RAD51D: variants seen among roughly 807,000 people sequenced by gnomAD.
RAD51D encodes the protein RAD51 paralog D.
Under a neutral mutation model 44.1 loss-of-function variants are expected in RAD51D, and 38 were observed. The ratio of observed to expected loss-of-function variants is 0.86; its 90% CI spans 0.67 to 1.13. The LOEUF (loss-of-function observed/expected upper bound fraction) is 1.13, where lower values mean the gene tolerates loss of function less well. RAD51D is among the 50% of genes most tolerant of loss of function. The pLI, the probability that RAD51D is intolerant of heterozygous loss-of-function variation, is 0.00. For synonymous variants in RAD51D, 141 were observed against 166.6 expected, an observed-to-expected ratio of 0.85 and a Z score of 1.18; for missense variants, 390 against 414.0, an observed-to-expected ratio of 0.94 and a Z score of 0.50.
intron 3 of RAD51D, chr17:35,116,856 T>A (rs1196361054): frequency 6.6e-7 from 1 of 1,516,102 alleles, no homozygotes. Flanking sequence ...TGAAATAATG[T>A]ACCGTGAAGT....
intron 3 of RAD51D, among the ~76,000 whole-genome samples, chr17:35,115,945 A>AGGAAGGAAGG: frequency 9.4e-6 from 1 of 106,398 alleles, no homozygotes; most frequent in Admixed American, 1.1e-4. Context: ...GGAAGAAAGA[A>AGGAAGGAAGG]AAGGAAGAAA....
At chr17:35,118,668 G>A (rs2142475391) in intron 2 of RAD51D, 49 bp from the exon 3 acceptor site, 1 of 1,390,482 alleles carries the variant, frequency 7.2e-7, no homozygotes, top group Non-Finnish European at 1.0e-6. Flanking sequence ...CGTAGAAGCT[G>A]GCATCCCAGG....
chr17:35,101,536 G>A (rs2091538713), intron 8 of RAD51D, among the ~76,000 whole-genome samples, 171 bp from the exon 9 acceptor site: 1 of 152,128 alleles, frequency 6.6e-6, no homozygotes, highest in African/African-American at 2.4e-5. Context: ...CCTGACTTGT[G>A]CCCCGCTCTT....
chr17:35,115,903 G>A (rs765352306), intron 3 of RAD51D, among the ~76,000 whole-genome samples: 1 of 74,444 alleles, frequency 1.3e-5, no homozygotes, highest in Admixed American at 1.9e-4. Context: ...AGGAAAGGAA[G>A]GAAGGAAGGA....
At chr17:35,117,135 G>C (rs1441430371) in intron 3 of RAD51D, 2 of 1,323,908 alleles carry the variant, frequency 1.5e-6, no homozygotes, top group Admixed American at 2.2e-5. Flanking sequence ...CAGCTCTCTT[G>C]TATTCACTTG....
intron 3 of RAD51D, among the ~76,000 whole-genome samples, chr17:35,116,605 C>T (rs946593304): frequency 6.6e-6 from 1 of 152,138 alleles, no homozygotes; most frequent in African/African-American, 2.4e-5. Context: ...TGCTATTCTC[C>T]TGCCTCAGCC....
intron 3 of RAD51D, among the ~76,000 whole-genome samples, chr17:35,108,310 C>G (rs1386835903): frequency 6.6e-6 from 1 of 151,512 alleles, no homozygotes; most frequent in African/African-American, 2.4e-5. Context: ...TATAGATTCC[C>G]AGGAAGTTGC....
intron 5 of RAD51D, among the ~76,000 whole-genome samples, chr17:35,106,748 G>C (rs1398307418): frequency 6.6e-6 from 1 of 152,162 alleles, no homozygotes; most frequent in Non-Finnish European, 1.5e-5. Context: ...CTTGGTGTTT[G>C]CCAGCCCTGG....
Position 35,103,665 on chromosome 17 carries a change from C to G in RAD51D, c.577-121G>C, listed in dbSNP as rs1055296931. The G allele has an allele frequency of 6.8e-6, 5 of 738,632 alleles. No individual in the cohort carries two copies. Among genetic ancestry groups the G allele is most frequent in the Admixed American group, 4.0e-5 (2 of 49,948 alleles). 45.8% of individuals were successfully genotyped at this position (738,632 alleles called of 1,614,324 possible). A position where few individuals can be genotyped will look rare whatever the true frequency, so the allele number is the denominator to read the frequency against. ...GCCCCCCCATCCCAAATACAGCAAG[C>G]TGCACGGGCATCACAGAATGTCATC... is the stretch of plus-strand genomic sequence containing the variant. On this transcript the variant is annotated intron_variant, in intron 6 of 9. Coordinates refer to ENST00000345365, the MANE Select transcript of RAD51D (RefSeq NM_002878.4). This position sits in a 1 kb window ranked among gnomAD's most constrained non-coding sequence, Gnocchi z 4.1.
Position 35,098,041 on chromosome 17 carries a change from A to T in RAD51D, c.*2912T>A, listed in dbSNP as rs1385086703. ...GGCAGGCAAGACAAAGTCCTGGTCT[A>T]GGAGGAGCCAAAGGATGAAGCTGGC... On this transcript the variant is annotated 3_prime_UTR_variant, in exon 10 of 10. Transcript: ENST00000345365. 1 of 152,314 alleles carries T rather than the reference A, an allele frequency of 6.6e-6. No homozygotes were observed. Among genetic ancestry groups the T allele is most frequent in the Non-Finnish European group, 1.5e-5 (1 of 68,208 alleles). 9.4% of individuals were successfully genotyped at this position (152,314 alleles called of 1,614,324 possible).
At position 35,098,882 on chromosome 17, in the gene RAD51D, T is replaced by C. The variant is rs1420924901; in HGVS notation, c.*2071A>G. 6.6e-6 allele frequency: 1 copy of C among 152,104 alleles called. No homozygotes were observed. The highest frequency in any genetic ancestry group is 1.5e-5 in the Non-Finnish European group (1 of 68,090). 9.4% of individuals were successfully genotyped at this position (152,104 alleles called of 1,614,324 possible). Reference sequence around the variant, plus strand: ...TCCTTGAGACAGGGTCTTGCTCTGTTACCCAGGCTGGGGTGTAGTGGTGCG... The same window carrying C: ...TCCTTGAGACAGGGTCTTGCTCTGTCACCCAGGCTGGGGTGTAGTGGTGCG... On this transcript the variant is annotated 3_prime_UTR_variant, in exon 10 of 10. Transcript: ENST00000345365.
rs550346401 is a variant in RAD51D, at chr17:35,119,852, G to A, written c.-239C>T. 307 of 656,946 alleles carry A rather than the reference G, an allele frequency of 4.7e-4. No homozygotes were observed. Among genetic ancestry groups the A allele is most frequent in the Non-Finnish European group, 7.7e-4 (276 of 360,300 alleles). The allele number at this position is 656,946 out of a possible 1,614,324, so 40.7% of individuals were successfully genotyped here. On this transcript the variant is annotated 5_prime_UTR_variant, in exon 1 of 10. Transcript: ENST00000345365. Reference sequence around the variant, plus strand: ...CCCGCCCGCCGGGTCGCGCCGCGCTGCCGCTTCCGGGTTCCAGGCTGGCGC... The same window carrying A: ...CCCGCCCGCCGGGTCGCGCCGCGCTACCGCTTCCGGGTTCCAGGCTGGCGC...
In RAD51D at chr17:35,097,494, T is replaced by C. The variant is rs1239569590; in HGVS notation, c.*3459A>G. ...GTGTATATATATGTATATATATGTGTGTATATGTGTGTGTGTGTGTGTGTA... is the reference window on the plus strand; with the variant it reads ...GTGTATATATATGTATATATATGTGCGTATATGTGTGTGTGTGTGTGTGTA... On this transcript the variant is annotated 3_prime_UTR_variant, in exon 10 of 10. Transcript: ENST00000345365. 3 of 146,104 alleles carry C rather than the reference T, an allele frequency of 2.1e-5. No homozygotes were observed. Among genetic ancestry groups the C allele is most frequent in the Admixed American group, 1.3e-4 (2 of 14,870 alleles). The allele number at this position is 146,104 out of a possible 1,614,324, so 9.1% of individuals were successfully genotyped here.
intron 1 of RAD51D, 151 bp from the exon 2 acceptor site, chr17:35,119,323 C>G (rs1045860483): frequency 1.1e-6 from 1 of 910,774 alleles, no homozygotes; most frequent in Non-Finnish European, 1.8e-6. Context: ...CAGGAGCCGG[C>G]GCGGTGCCCT....
At chr17:35,108,668 C>T (rs920880742) in intron 3 of RAD51D, among the ~76,000 whole-genome samples, 3 of 152,104 alleles carry the variant, frequency 2.0e-5, no homozygotes, top group East Asian at 1.9e-4. Flanking sequence ...TAGATTTACA[C>T]GACTACTATA....
chr17:35,113,315 C>A (rs1234419362), intron 3 of RAD51D, among the ~76,000 whole-genome samples: 1 of 152,178 alleles, frequency 6.6e-6, no homozygotes, highest in Non-Finnish European at 1.5e-5. Context: ...TGTCACCAGG[C>A]TGGAGTGCAG....
Position 35,099,681 on chromosome 17 carries a change from G to A in RAD51D, c.*1272C>T, listed in dbSNP as rs1422165729. On this transcript the variant is annotated 3_prime_UTR_variant, in exon 10 of 10. Coordinates refer to ENST00000345365, the MANE Select transcript of RAD51D (RefSeq NM_002878.4). Reference sequence around the variant, plus strand: ...TGTCATTACTTTCTGAGTGTAACTCGGACCCTCCTTTCCTGCAGCCAAGAC... The same window carrying A: ...TGTCATTACTTTCTGAGTGTAACTCAGACCCTCCTTTCCTGCAGCCAAGAC... The A allele has an allele frequency of 1.8e-5, 7 of 383,064 alleles. No individual in the cohort carries two copies. The highest frequency in any genetic ancestry group is 5.4e-5 in the East Asian group (1 of 18,622). The allele number at this position is 383,064 out of a possible 1,614,324, so 23.7% of individuals were successfully genotyped here.
In RAD51D at chr17:35,099,883, G is replaced by C. The variant is rs2091514237; in HGVS notation, c.*1070C>G. ...CTCTCAGACGGATGGCCACAGTGCT[G>C]GTGAAAGACAGAGGGATTATTTCAT... On this transcript the variant is annotated 3_prime_UTR_variant, in exon 10 of 10. Coordinates refer to ENST00000345365, the MANE Select transcript of RAD51D (RefSeq NM_002878.4). The C allele has an allele frequency of 1.9e-6, 1 of 516,346 alleles. No individual in the cohort carries two copies. Among genetic ancestry groups the C allele is most frequent in the African/African-American group, 1.9e-5 (1 of 52,822 alleles). 32.0% of individuals were successfully genotyped at this position (516,346 alleles called of 1,614,324 possible).
At chr17:35,111,261 G>A (rs1237772063) in intron 3 of RAD51D, among the ~76,000 whole-genome samples, 1 of 151,200 alleles carries the variant, frequency 6.6e-6, no homozygotes, top group Admixed American at 6.6e-5. Context: ...TGTGCCTGTA[G>A]GAGAATCGCT....
Sources: gnomAD v4.1 joint callset for allele counts (sites outside exome capture counted in the v4.1 genomes callset) on GRCh38, gnomAD v4.1.1 for gene constraint, Gnocchi (gnomAD v3.1) non-coding constraint, MANE v1.5 for transcripts, NCBI Gene and HGNC (gene_info 2026-07-23, HGNC 2026-07-21) for gene names.